EFR3B: variants seen among roughly 807,000 people sequenced by gnomAD.
EFR3B encodes EFR3 homolog B.
A neutral mutation model predicts 104.7 loss-of-function variants in EFR3B; 64 were observed. The observed-to-expected ratio is 0.61, with a 90% CI of 0.50 to 0.75. The LOEUF (loss-of-function observed/expected upper bound fraction) is 0.75. Among genes scored for constraint, EFR3B ranks in the 30% least tolerant of loss-of-function variants. The probability of loss-of-function intolerance (pLI) is 0.00; values close to 1 mark genes in which losing one functional copy is unlikely to be tolerated. For missense variants in EFR3B, 750 were observed against 1,078.5 expected (o/e 0.70, Z 4.27); for synonymous variants, 385 against 417.9 (o/e 0.92, Z 0.96).
At chr2:25,133,280 G>A (rs550091161) in intron 11 of EFR3B, 103 bp from the exon 12 acceptor site, 5 of 1,288,694 alleles carry the variant, frequency 3.9e-6, no homozygotes, top group African/African-American at 2.9e-5. Flanking sequence ...AACCCAACAC[G>A]ATAAGCCTCA....
At chr2:25,077,255 A>G (rs1254504849) in intron 1 of EFR3B, among the ~76,000 whole-genome samples, 3 of 152,212 alleles carry the variant, frequency 2.0e-5, no homozygotes, top group Non-Finnish European at 4.4e-5. Flanking sequence ...CAGTCAAAAG[A>G]TGAAATAATA....
intron 1 of EFR3B, among the ~76,000 whole-genome samples, chr2:25,049,169 A>G (rs1428806994): frequency 6.6e-6 from 1 of 152,248 alleles, no homozygotes; most frequent in Admixed American, 6.5e-5. Context: ...AGAGCGTTCA[A>G]TATTAAGATT....
intron 12 of EFR3B, among the ~76,000 whole-genome samples, chr2:25,135,080 G>A (rs759089901): frequency 6.6e-5 from 10 of 152,114 alleles, no homozygotes; most frequent in African/African-American, 1.9e-4. Flanking sequence ...CCACTGTCTC[G>A]TTCTTTGTGA....
At chr2:25,129,761 T>G (rs560603404) in intron 6 of EFR3B, among the ~76,000 whole-genome samples, 16 of 152,316 alleles carry the variant, frequency 1.1e-4, no homozygotes, top group South Asian at 8.3e-4. Flanking sequence ...AAGAACTTTA[T>G]CTTTTCTTCT....
intron 18 of EFR3B, among the ~76,000 whole-genome samples, chr2:25,144,321 T>C (rs1052510680): frequency 2.0e-5 from 3 of 152,154 alleles, no homozygotes; most frequent in African/African-American, 7.2e-5. Flanking sequence ...GGCGGATGGA[T>C]TGCCTAAGCT....
At chr2:25,125,335 G>A (rs562781007) in intron 5 of EFR3B, among the ~76,000 whole-genome samples, 1 of 152,314 alleles carries the variant, frequency 6.6e-6, no homozygotes, top group South Asian at 2.1e-4. Flanking sequence ...CACTTGGACG[G>A]GACAAACGAG....
chr2:25,081,005 A>G, intron 1 of EFR3B: 1 of 756,652 alleles, frequency 1.3e-6, no homozygotes. Context: ...TAATTGCATC[A>G]GGAGTCTCAG....
chr2:25,113,196 C>T (rs550399594), intron 4 of EFR3B, among the ~76,000 whole-genome samples: 38 of 152,112 alleles, frequency 2.5e-4, no homozygotes, highest in African/African-American at 8.9e-4. Flanking sequence ...TTTGCTATGG[C>T]GACTTTCCTC....
At chr2:25,129,842 C>T in intron 6 of EFR3B, 133 bp from the exon 7 acceptor site, 1 of 1,200,914 alleles carries the variant, frequency 8.3e-7, no homozygotes, top group Non-Finnish European at 1.1e-6. Context: ...TGTGACGCCT[C>T]CCCTATTGCC....
intron 4 of EFR3B, among the ~76,000 whole-genome samples, chr2:25,121,068 A>G (rs1011077143): frequency 1.3e-5 from 2 of 151,900 alleles, no homozygotes; most frequent in African/African-American, 4.8e-5. Flanking sequence ...AAGCCTGGCT[A>G]ATTTTGCATT....
At position 25,051,696 on chromosome 2, in the gene EFR3B, C is replaced by T. The variant is rs574881658; in HGVS notation, c.7+9377C>T. Among the ~76,000 whole-genome samples the T allele has an allele frequency of 7.1e-4, 104 of 146,002 alleles. 1 individual carries two copies. The highest frequency in any genetic ancestry group is 4.1e-3 in the South Asian group (19 of 4,596). The stretch of plus-strand genomic sequence containing the variant: ...TGTCGCCCAGGCTGGAGCTCAGTGG[C>T]GCAATCTCAGCTCACTGCAACCTCC... On this transcript the variant is annotated intron_variant, in intron 1 of 22. Coordinates refer to ENST00000403714, the MANE Select transcript of EFR3B (RefSeq NM_014971.2).
rs562393302 is a variant in EFR3B at position 25,109,025 on chromosome 2, T to A, written c.363+5238T>A. Reference sequence around the variant, plus strand: ...TCTCAAAAAAAATAAAAAATAAAATTAAATTAAAATTAAAACTTGTATGCA... The same window carrying A: ...TCTCAAAAAAAATAAAAAATAAAATAAAATTAAAATTAAAACTTGTATGCA... On this transcript the variant is annotated intron_variant, in intron 4 of 22. Coordinates refer to ENST00000403714, the MANE Select transcript of EFR3B (RefSeq NM_014971.2). Among the ~76,000 whole-genome samples, 33 of 151,758 alleles carry A rather than the reference T, an allele frequency of 2.2e-4. No homozygotes were observed. The East Asian group carries it at 4.5e-3, about 20-fold the overall frequency.
intron 21 of EFR3B, 146 bp downstream of exon 21, chr2:25,152,166 T>C: frequency 1.3e-6 from 1 of 784,744 alleles, no homozygotes; most frequent in Non-Finnish European, 2.0e-6. Flanking sequence ...AGGGCTTGTA[T>C]TCCAATGCAG....
intron 4 of EFR3B, among the ~76,000 whole-genome samples, chr2:25,104,332 G>A (rs543074603): frequency 6.6e-6 from 1 of 152,264 alleles, no homozygotes; most frequent in African/African-American, 2.4e-5. Flanking sequence ...TCATGCCACT[G>A]CACTCCAACC....
chr2:25,079,635 TAAAC>T (rs1415911726), intron 1 of EFR3B, among the ~76,000 whole-genome samples: 14 of 152,212 alleles, frequency 9.2e-5, no homozygotes, highest in Non-Finnish European at 1.9e-4. Context: ...CCAACAATAA[TAAAC>T]AGACATATTG....
intron 1 of EFR3B, among the ~76,000 whole-genome samples, chr2:25,045,764 CAA>C (rs1425111675): frequency 1.3e-5 from 2 of 150,482 alleles, no homozygotes; most frequent in Admixed American, 1.3e-4. Context: ...GCCTGGGAGA[CAA>C]GAGCGAGACT....
intron 1 of EFR3B, among the ~76,000 whole-genome samples, chr2:25,062,005 T>A (rs1445515183): frequency 2.0e-5 from 3 of 152,222 alleles, no homozygotes; most frequent in African/African-American, 7.2e-5. Flanking sequence ...GGCCACCTTA[T>A]AGGCAGTGTA....
intron 19 of EFR3B, among the ~76,000 whole-genome samples, chr2:25,148,154 C>T (rs569899959): frequency 6.6e-6 from 1 of 151,300 alleles, no homozygotes; most frequent in Non-Finnish European, 1.5e-5. Flanking sequence ...GATCTCCCTT[C>T]TTTGAGTTTT....
chr2:25,074,574 GAAA>G (rs1200422142), intron 1 of EFR3B, among the ~76,000 whole-genome samples: 2 of 149,044 alleles, frequency 1.3e-5, no homozygotes, highest in South Asian at 4.3e-4. Context: ...CAAAAAAAAA[GAAA>G]AAAAGAAAAG....
Sources: gnomAD v4.1 joint callset for allele counts (sites outside exome capture counted in the v4.1 genomes callset) on GRCh38, gnomAD v4.1.1 for gene constraint, MANE v1.5 for transcripts, NCBI Gene and HGNC (gene_info 2026-07-23, HGNC 2026-07-21) for gene names.